TENM4: variants seen among roughly 807,000 people sequenced by gnomAD.
TENM4 encodes the protein teneurin-4.
TENM4 carries 82 observed loss-of-function variants against 243.3 expected under a neutral mutation model. The observed-to-expected ratio is 0.34, with a 90% CI of 0.28 to 0.40. The LOEUF (loss-of-function observed/expected upper bound fraction) is 0.40, where lower values mean the gene tolerates loss of function less well. TENM4 is among the 10% of genes least tolerant of loss of function. The pLI, the probability that TENM4 is intolerant of heterozygous loss-of-function variation, is 1.00. For missense variants in TENM4, 3,138 were observed against 3,673.3 expected, an observed-to-expected ratio of 0.85 and a Z score of 3.77; for synonymous variants, 1,412 against 1,456.3, an observed-to-expected ratio of 0.97 and a Z score of 0.69.
intron 3 of TENM4, among the ~76,000 whole-genome samples, chr11:79,177,157 A>C (rs937148387): frequency 1.2e-4 from 19 of 152,144 alleles, no homozygotes; most frequent in South Asian, 2.1e-4. Flanking sequence ...AAAGCAGTGG[A>C]AACTTTTCCT....
At chr11:78,741,002 G>T (rs533072925) in intron 19 of TENM4, among the ~76,000 whole-genome samples, 1 of 152,330 alleles carries the variant, frequency 6.6e-6, no homozygotes, top group South Asian at 2.1e-4. Context: ...AGGCCATAGA[G>T]GCCTCTTGCC....
intron 4 of TENM4, among the ~76,000 whole-genome samples, chr11:79,119,038 T>C (rs1460697608): frequency 2.0e-5 from 3 of 152,186 alleles, no homozygotes; most frequent in African/African-American, 7.2e-5. Context: ...GATAATAAAA[T>C]TGAGGTTCAG....
chr11:78,851,060 G>A (rs555146913), intron 12 of TENM4, among the ~76,000 whole-genome samples: 1 of 152,286 alleles, frequency 6.6e-6, no homozygotes, highest in East Asian at 1.9e-4. Context: ...ATGTTCCCCT[G>A]GCTTCCCAGG....
chr11:79,345,551 T>G (rs1212565617), intron 1 of TENM4, among the ~76,000 whole-genome samples: 1 of 152,194 alleles, frequency 6.6e-6, no homozygotes, highest in Admixed American at 6.5e-5. Context: ...TATGGGGTAG[T>G]TTATATTCAT....
At chr11:79,144,629 C>A (rs1220565820) in intron 4 of TENM4, among the ~76,000 whole-genome samples, 1 of 151,972 alleles carries the variant, frequency 6.6e-6, no homozygotes, top group Non-Finnish European at 1.5e-5. Context: ...TCATTTGCAA[C>A]AACATGGATG....
intron 6 of TENM4, among the ~76,000 whole-genome samples, chr11:78,961,838 G>A (rs900028935): frequency 6.6e-6 from 1 of 151,624 alleles, no homozygotes; most frequent in Non-Finnish European, 1.5e-5. Context: ...TACCTGTCTG[G>A]GCCTTCACCT....
At chr11:78,685,195 A>G (rs1356599693) in intron 29 of TENM4, among the ~76,000 whole-genome samples, 2 of 152,148 alleles carry the variant, frequency 1.3e-5, no homozygotes, top group African/African-American at 4.8e-5. Flanking sequence ...GAATCCACAT[A>G]TGTCCATTAA....
intron 12 of TENM4, among the ~76,000 whole-genome samples, chr11:78,827,471 C>CTATT (rs55871470): frequency 0.14 from 19,973 of 146,010 alleles, 1,645 homozygotes; most frequent in East Asian, 0.26. Flanking sequence ...CCTTCAAAGC[C>CTATT]TATTTATTTA....
At chr11:78,824,663 G>A (rs965792998) in intron 12 of TENM4, among the ~76,000 whole-genome samples, 10 of 140,928 alleles carry the variant, frequency 7.1e-5, no homozygotes, top group African/African-American at 1.1e-4. Context: ...CACCACGTCC[G>A]ACTAATTTTT....
intron 6 of TENM4, among the ~76,000 whole-genome samples, chr11:79,044,543 T>A (rs1425046988): frequency 6.6e-6 from 1 of 152,216 alleles, no homozygotes; most frequent in Non-Finnish European, 1.5e-5. Context: ...TTCTGCAACC[T>A]CTAGCTGTGC....
intron 6 of TENM4, among the ~76,000 whole-genome samples, chr11:78,948,573 G>A (rs1298608617): frequency 8.5e-5 from 13 of 152,076 alleles, no homozygotes; most frequent in African/African-American, 2.9e-4. Flanking sequence ...GGGTCTCACA[G>A]TGTTAGCCAG....
intron 22 of TENM4, among the ~76,000 whole-genome samples, chr11:78,728,713 A>C (rs1459068580): frequency 6.6e-6 from 1 of 152,140 alleles, no homozygotes; most frequent in Non-Finnish European, 1.5e-5. Context: ...GGTTACTCTT[A>C]AGTGCTTGGT....
At chr11:78,700,608 T>C (rs866808092) in intron 28 of TENM4, among the ~76,000 whole-genome samples, 1 of 152,208 alleles carries the variant, frequency 6.6e-6, no homozygotes, top group Non-Finnish European at 1.5e-5. Context: ...TAAATATCTC[T>C]TAGAGGAACA....
In TENM4 at chr11:79,212,872, C is replaced by G. The variant is rs561111633; in HGVS notation, c.-163+2936G>C. Among the ~76,000 whole-genome samples, 4 of 152,304 alleles carry G rather than the reference C, an allele frequency of 2.6e-5. No individual in the cohort carries two copies. The East Asian group carries it at 7.7e-4, about 29-fold the overall frequency. On this transcript the variant is annotated intron_variant, in intron 3 of 33. Coordinates refer to ENST00000278550, the MANE Select transcript of TENM4 (RefSeq NM_001098816.3). ...AGGAGGCTAAGTTGGCAACAAGTCT[C>G]CGCCTCCTGACCGAGGGAGACGGGA...
intron 2 of TENM4, among the ~76,000 whole-genome samples, chr11:79,252,385 C>A (rs1224698536): frequency 1.3e-5 from 2 of 152,218 alleles, no homozygotes; most frequent in Non-Finnish European, 2.9e-5. Flanking sequence ...CAGGCGCTCA[C>A]CACCACACCC....
intron 2 of TENM4, among the ~76,000 whole-genome samples, chr11:79,292,987 C>T (rs150943475): frequency 2.6e-5 from 4 of 152,200 alleles, no homozygotes; most frequent in African/African-American, 9.6e-5. Flanking sequence ...CAGTTTCTGC[C>T]CTCAGAAACC....
chr11:78,845,217 C>T (rs746232283), intron 12 of TENM4, among the ~76,000 whole-genome samples: 1 of 152,198 alleles, frequency 6.6e-6, no homozygotes, highest in Non-Finnish European at 1.5e-5. Context: ...GTTTTATTCA[C>T]TGTGAAGCCT....
intron 2 of TENM4, among the ~76,000 whole-genome samples, chr11:79,248,592 A>G (rs569607121): frequency 2.6e-5 from 4 of 152,322 alleles, no homozygotes; most frequent in African/African-American, 9.6e-5. Flanking sequence ...TAAAGGCAGT[A>G]AAAGGATTTT....
At chr11:79,337,613 C>T (rs1291263330) in intron 1 of TENM4, among the ~76,000 whole-genome samples, 1 of 152,180 alleles carries the variant, frequency 6.6e-6, no homozygotes, top group African/African-American at 2.4e-5. Flanking sequence ...AGGTAAAGCT[C>T]TGTGGACCAT....
Sources: allele counts gnomAD v4.1 joint callset (sites outside exome capture counted in the v4.1 genomes callset), GRCh38; gene constraint gnomAD v4.1.1; transcripts MANE v1.5; gene names NCBI Gene and HGNC (gene_info 2026-07-23, HGNC 2026-07-21).